Variants in PHACTR1 observed in about 807,000 individuals in gnomAD.
The protein encoded by PHACTR1 is RPEL repeat containing 1.
Under a neutral mutation model 69.2 loss-of-function variants are expected in PHACTR1, and 16 were observed. That is an observed-to-expected ratio of 0.23 (90% CI 0.16 to 0.35). The LOEUF (loss-of-function observed/expected upper bound fraction) is 0.35. Among genes scored for constraint, PHACTR1 ranks in the 10% least tolerant of loss-of-function variants. The pLI, the probability that PHACTR1 is intolerant of heterozygous loss-of-function variation, is 1.00. For synonymous variants in PHACTR1, 312 were observed against 284.5 expected (o/e 1.10, Z -0.97); for missense variants, 510 against 734.7 (o/e 0.69, Z 3.54).
At chr6:13,031,886 T>G (rs1179146780) in intron 4 of PHACTR1, among the ~76,000 whole-genome samples, 1 of 152,262 alleles carries the variant, frequency 6.6e-6, no homozygotes, top group Non-Finnish European at 1.5e-5. Flanking sequence ...AAGTGCTAAA[T>G]GTAAATGTCT....
At chr6:13,188,240 A>G (rs1162602296) in intron 7 of PHACTR1, among the ~76,000 whole-genome samples, 1 of 152,220 alleles carries the variant, frequency 6.6e-6, no homozygotes, top group African/African-American at 2.4e-5. Flanking sequence ...ATCTAGTGCT[A>G]TCCTTTTGGG....
chr6:12,747,788 C>T (rs988375574), intron 3 of PHACTR1, among the ~76,000 whole-genome samples: 2 of 152,002 alleles, frequency 1.3e-5, no homozygotes, highest in Non-Finnish European at 2.9e-5. Context: ...AGCAAAGGTG[C>T]AGATACAAAA....
chr6:13,235,423 A>T (rs79436202), intron 10 of PHACTR1, among the ~76,000 whole-genome samples: 1 of 152,210 alleles, frequency 6.6e-6, no homozygotes, highest in East Asian at 1.9e-4. Context: ...ACTCCAAAAA[A>T]TCAGTATTAA....
At chr6:12,757,876 C>T (rs1767526940) in intron 4 of PHACTR1, among the ~76,000 whole-genome samples, 1 of 152,052 alleles carries the variant, frequency 6.6e-6, no homozygotes, top group Non-Finnish European at 1.5e-5. Flanking sequence ...CCTTAGGAGG[C>T]CAAGGTGGGC....
At chr6:13,114,140 A>G (rs929489388) in intron 5 of PHACTR1, among the ~76,000 whole-genome samples, 2 of 152,130 alleles carry the variant, frequency 1.3e-5, no homozygotes, top group African/African-American at 4.8e-5. Context: ...GCCTCCCAGA[A>G]GCAGACTCGC....
intron 3 of PHACTR1, among the ~76,000 whole-genome samples, chr6:12,734,918 T>C (rs1420097455): frequency 6.6e-6 from 1 of 152,230 alleles, no homozygotes; most frequent in East Asian, 1.9e-4. Flanking sequence ...GCATTAACAA[T>C]TGATGCTCTG....
At position 13,086,332 on chromosome 6, in the gene PHACTR1, C is replaced by A. The variant is rs75064756; in HGVS notation, c.415+32803C>A. Among the ~76,000 whole-genome samples, 515 of 152,200 alleles carry A rather than the reference C, an allele frequency of 3.4e-3. 3 individuals are homozygous for A. Among genetic ancestry groups the A allele is most frequent in the African/African-American group, 0.012 (498 of 41,560 alleles). ...TAAAAATCTTTATTTTCTTTTAAAA[C>A]ATTTTTTATTGAGATGTAATTTACA... On this transcript the variant is annotated intron_variant, in intron 5 of 14. Coordinates refer to ENST00000332995, the MANE Select transcript of PHACTR1 (RefSeq NM_030948.6).
intron 4 of PHACTR1, among the ~76,000 whole-genome samples, chr6:13,030,676 C>T (rs1190915757): frequency 1.3e-5 from 2 of 152,198 alleles, no homozygotes; most frequent in Non-Finnish European, 2.9e-5. Flanking sequence ...CAAGATAAAT[C>T]ACACATGTGA....
chr6:13,218,802 A>G (rs996845736), intron 8 of PHACTR1, among the ~76,000 whole-genome samples: 6 of 146,936 alleles, frequency 4.1e-5, no homozygotes, highest in African/African-American at 5.1e-5. Flanking sequence ...GGAGGAGGAG[A>G]AGAAGAAGAA....
chr6:12,774,422 G>A (rs941169245), intron 4 of PHACTR1, among the ~76,000 whole-genome samples: 11 of 151,850 alleles, frequency 7.2e-5, no homozygotes, highest in East Asian at 1.9e-4. Flanking sequence ...ATGGCATTTC[G>A]CCCTTGTTGC....
At position 12,752,054 on chromosome 6, in the gene PHACTR1, A is replaced by G. The variant is rs186091854; in HGVS notation, c.250+2264A>G. On this transcript the variant is annotated intron_variant, in intron 4 of 14. Coordinates refer to ENST00000332995, the MANE Select transcript of PHACTR1 (RefSeq NM_030948.6). ...CCCTCTCCACCTACATTTGCTGCCT[A>G]TTTACTACGCATCACGCCTACTGCT... 2.8e-4 allele frequency among the ~76,000 whole-genome samples: 42 copies of G among 152,252 alleles called. 1 individual carries two copies. Among genetic ancestry groups the G allele is most frequent in the Non-Finnish European group, 5.0e-4 (34 of 68,030 alleles).
intron 4 of PHACTR1, among the ~76,000 whole-genome samples, chr6:12,896,399 C>G (rs1300512896): frequency 1.3e-5 from 2 of 152,138 alleles, no homozygotes; most frequent in African/African-American, 4.8e-5. Context: ...AAACATAGAC[C>G]ACATATTCCC....
intron 5 of PHACTR1, among the ~76,000 whole-genome samples, chr6:13,131,708 A>G (rs555575371): frequency 1.8e-4 from 28 of 152,314 alleles, no homozygotes; most frequent in African/African-American, 5.3e-4. Flanking sequence ...CTTTAATTTG[A>G]TAACATGTGG....
At chr6:13,160,906 C>T (rs1228529) in intron 6 of PHACTR1, among the ~76,000 whole-genome samples, 109,906 of 152,170 alleles carry the variant, frequency 0.72, 40,081 homozygotes, top group East Asian at 0.87. Context: ...TGAATATGAA[C>T]GTATGCAGTG....
At chr6:12,882,868 G>A (rs1561976221) in intron 4 of PHACTR1, among the ~76,000 whole-genome samples, 2 of 151,950 alleles carry the variant, frequency 1.3e-5, no homozygotes, top group Admixed American at 6.5e-5. Context: ...GTGTAGTAAT[G>A]CTTGAAAGTG....
At chr6:12,830,105 GA>G (rs1168605379) in intron 4 of PHACTR1, among the ~76,000 whole-genome samples, 1 of 26,946 alleles carries the variant, frequency 3.7e-5, no homozygotes, top group Non-Finnish European at 1.4e-4. Flanking sequence ...AAGAAAGAAA[GA>G]AAGAAAGAAA....
At chr6:12,948,052 A>G (rs1467426925) in intron 4 of PHACTR1, among the ~76,000 whole-genome samples, 1 of 152,226 alleles carries the variant, frequency 6.6e-6, no homozygotes, top group Non-Finnish European at 1.5e-5. Context: ...TAGTTGCGCC[A>G]TGAACCTTTC....
chr6:12,990,084 T>G (rs1796640725), intron 4 of PHACTR1, among the ~76,000 whole-genome samples: 1 of 152,180 alleles, frequency 6.6e-6, no homozygotes, highest in Admixed American at 6.5e-5. Flanking sequence ...TTGTCCCATA[T>G]TTTTATAGCC....
intron 4 of PHACTR1, among the ~76,000 whole-genome samples, chr6:12,950,618 A>G (rs1791175380): frequency 6.6e-6 from 1 of 152,190 alleles, no homozygotes; most frequent in South Asian, 2.1e-4. Context: ...TTTCCCCCAA[A>G]TAACTGTACA....
Sources: allele counts gnomAD v4.1 joint callset (sites outside exome capture counted in the v4.1 genomes callset), GRCh38; gene constraint gnomAD v4.1.1; transcripts MANE v1.5; gene names NCBI Gene and HGNC (gene_info 2026-07-23, HGNC 2026-07-21).